The following MCC variants were observed in gnomAD, a reference collection of about 807,000 sequenced individuals.
MCC encodes colorectal mutant cancer protein.
In MCC, 90 loss-of-function variants were observed where a neutral mutation model predicts 116.2. The observed-to-expected ratio is 0.77, with a 90% CI of 0.65 to 0.92. The LOEUF is 0.92. Among genes scored for constraint, MCC ranks in the 40% least tolerant of loss-of-function variants. The pLI is 0.00. For synonymous variants in MCC, 578 were observed against 510.5 expected (o/e 1.13, Z -1.78); for missense variants, 1,516 against 1,312.2 (o/e 1.16, Z -2.40).
intron 3 of MCC, among the ~76,000 whole-genome samples, chr5:113,231,073 ACT>A (rs58039479): frequency 0.026 from 3,916 of 152,086 alleles, 173 homozygotes; most frequent in African/African-American, 0.086. Context: ...CTTCTCCAAA[ACT>A]CTAATTCCAG....
chr5:113,410,628 T>C (rs1400452354), intron 1 of MCC, among the ~76,000 whole-genome samples: 3 of 152,374 alleles, frequency 2.0e-5, no homozygotes, highest in Middle Eastern at 3.4e-3. Context: ...TTTTAAATTA[T>C]ACTTTAAGTT....
chr5:113,302,926 C>T (rs1459926198), intron 3 of MCC, among the ~76,000 whole-genome samples: 2 of 152,184 alleles, frequency 1.3e-5, no homozygotes, highest in African/African-American at 4.8e-5. Flanking sequence ...TGGCTTAGAA[C>T]TTGGTGAAAT....
At chr5:113,096,442 TCAC>T (rs1304436349) in intron 8 of MCC, among the ~76,000 whole-genome samples, 15 of 152,110 alleles carry the variant, frequency 9.9e-5, no homozygotes, top group African/African-American at 2.4e-4. Flanking sequence ...ACGTGTGGGG[TCAC>T]CACAAGATGG....
chr5:113,285,306 C>T (rs180698083), intron 3 of MCC, among the ~76,000 whole-genome samples: 94 of 152,016 alleles, frequency 6.2e-4, no homozygotes, highest in African/African-American at 2.1e-3. Flanking sequence ...CTTTTCTTTG[C>T]TAATTCCTCC....
At chr5:113,092,975 T>C (rs1455435825) in intron 8 of MCC, among the ~76,000 whole-genome samples, 1 of 152,162 alleles carries the variant, frequency 6.6e-6, no homozygotes, top group African/African-American at 2.4e-5. Flanking sequence ...GTAAATGCAA[T>C]AGGTGGGTCA....
chr5:113,118,999 G>A (rs3884576), intron 6 of MCC, among the ~76,000 whole-genome samples: 73,700 of 152,016 alleles, frequency 0.48, 20,485 homozygotes, highest in East Asian at 0.71. Flanking sequence ...GCTCCTCCCC[G>A]AGGTTATCAC....
chr5:113,193,536 G>A (rs185718733), intron 3 of MCC, among the ~76,000 whole-genome samples: 2 of 152,150 alleles, frequency 1.3e-5, no homozygotes, highest in African/African-American at 4.8e-5. Flanking sequence ...TCCCACTAAC[G>A]TTAAGCCTAG....
At chr5:113,064,908 T>C (rs1040969201) in intron 13 of MCC, among the ~76,000 whole-genome samples, 6 of 152,112 alleles carry the variant, frequency 3.9e-5, no homozygotes, top group Admixed American at 3.9e-4. Flanking sequence ...GAAAAGATCA[T>C]GGGTGGCTGA....
chr5:113,155,374 G>T (rs149941042), intron 3 of MCC, among the ~76,000 whole-genome samples: 1 of 152,160 alleles, frequency 6.6e-6, no homozygotes, highest in Non-Finnish European at 1.5e-5. Context: ...GTAATAAGCC[G>T]ATTTTCTTTG....
At position 113,434,706 on chromosome 5, in the gene MCC, C is replaced by T. The variant is rs534196861; in HGVS notation, c.171-49494G>A. On this transcript the variant is annotated intron_variant, in intron 1 of 18. Coordinates refer to ENST00000408903, the MANE Select transcript of MCC (RefSeq NM_001085377.2). The surrounding 1 kb of genome is among the most constrained non-coding windows in gnomAD (Gnocchi z 4.2). ...CAAGAAGTCTGCGGGGGCCTTCTTG[C>T]GGTCGATGATCTTGATCGCCACATT... is the stretch of plus-strand genomic sequence containing the variant. The T allele has an allele frequency of 1.3e-5, 21 of 1,614,012 alleles. No homozygotes were observed. The highest frequency in any genetic ancestry group is 5.5e-5 in the South Asian group (5 of 91,074).
intron 3 of MCC, among the ~76,000 whole-genome samples, chr5:113,301,614 G>T (rs1186178502): frequency 6.6e-6 from 1 of 152,164 alleles, no homozygotes; most frequent in Admixed American, 6.5e-5. Flanking sequence ...CCCCTTAAGT[G>T]AACAGGTCAG....
At chr5:113,178,726 C>T (rs894765138) in intron 3 of MCC, among the ~76,000 whole-genome samples, 2 of 152,196 alleles carry the variant, frequency 1.3e-5, no homozygotes, top group East Asian at 1.9e-4. Context: ...TCCACTTCCA[C>T]TGTCAAAGAA....
At chr5:113,450,629 A>G (rs1346195067) in intron 1 of MCC, among the ~76,000 whole-genome samples, 2 of 152,214 alleles carry the variant, frequency 1.3e-5, no homozygotes, top group Non-Finnish European at 2.9e-5. Context: ...CTTGTGAGGT[A>G]TTTCAGAATT....
At chr5:113,484,307 A>G (rs907273802) in intron 1 of MCC, among the ~76,000 whole-genome samples, 1 of 152,224 alleles carries the variant, frequency 6.6e-6, no homozygotes, top group Non-Finnish European at 1.5e-5. Context: ...TATTTAAAAT[A>G]TTACATAAAT....
chr5:113,235,266 C>G (rs1055546948), intron 3 of MCC, among the ~76,000 whole-genome samples: 2 of 152,208 alleles, frequency 1.3e-5, no homozygotes, highest in Admixed American at 6.5e-5. Context: ...CTTCAATGCA[C>G]TTGAGAAATG....
At chr5:113,358,784 T>A (rs1451017230) in intron 2 of MCC, among the ~76,000 whole-genome samples, 8 of 152,190 alleles carry the variant, frequency 5.3e-5, no homozygotes, top group East Asian at 1.9e-4. Flanking sequence ...AATACTGACA[T>A]CAACAGAAGC....
At chr5:113,101,378 A>T in intron 8 of MCC, 1 of 148,208 alleles carries the variant, frequency 6.7e-6, no homozygotes, top group Non-Finnish European at 1.5e-5. Flanking sequence ...AAAAAGGTAA[A>T]ATTCCATTTT....
intron 1 of MCC, among the ~76,000 whole-genome samples, chr5:113,472,276 G>C (rs950460161): frequency 6.6e-6 from 1 of 152,194 alleles, no homozygotes; most frequent in Non-Finnish European, 1.5e-5. Context: ...CTGTAGACCG[G>C]AGCTGTTCCT....
chr5:113,317,441 T>TATA (rs1378254757), intron 3 of MCC, among the ~76,000 whole-genome samples: 1 of 152,208 alleles, frequency 6.6e-6, no homozygotes, highest in African/African-American at 2.4e-5. Context: ...TAAATGACAC[T>TATA]ATAATAGCCA....
Sources: allele counts gnomAD v4.1 joint callset (sites outside exome capture counted in the v4.1 genomes callset), GRCh38; gene constraint gnomAD v4.1.1; non-coding constraint Gnocchi (gnomAD v3.1); transcripts MANE v1.5; gene names NCBI Gene and HGNC (gene_info 2026-07-23, HGNC 2026-07-21).